PPP1R12A: variants seen among roughly 807,000 people sequenced by gnomAD.
PPP1R12A encodes the protein myosin binding subunit.
Under a neutral mutation model 139.6 loss-of-function variants are expected in PPP1R12A, and 19 were observed. That is an observed-to-expected ratio of 0.14 (90% CI 0.09 to 0.20). The LOEUF (loss-of-function observed/expected upper bound fraction) is 0.20, where lower values mean the gene tolerates loss of function less well. Ranked by LOEUF, PPP1R12A falls within the 10% of genes least tolerant of loss-of-function variation. PPP1R12A has a pLI of 1.00. For synonymous variants in PPP1R12A, 427 were observed against 420.6 expected, an observed-to-expected ratio of 1.02 and a Z score of -0.19; for missense variants, 925 against 1,211.5, an observed-to-expected ratio of 0.76 and a Z score of 3.51.
chr12:79,857,326 G>A (rs889749747), intron 2 of PPP1R12A, among the ~76,000 whole-genome samples: 9 of 150,884 alleles, frequency 6.0e-5, no homozygotes, highest in South Asian at 2.1e-4. Context: ...GTAAACTATC[G>A]CAAGGACAAA....
At chr12:79,935,201 G>A, upstream of PPP1R12A, 2 of 1,314,786 alleles carry the variant, frequency 1.5e-6, no homozygotes, top group Non-Finnish European at 1.9e-6. Flanking sequence ...GTAACTTCGC[G>A]AGATCCGGAC....
At chr12:79,897,565 G>GCAAAA (rs955079125) in intron 1 of PPP1R12A, among the ~76,000 whole-genome samples, 1 of 151,918 alleles carries the variant, frequency 6.6e-6, no homozygotes, top group African/African-American at 2.4e-5. Flanking sequence ...TTACCAAAAA[G>GCAAAA]CAAAACAAAA....
intron 1 of PPP1R12A, among the ~76,000 whole-genome samples, chr12:79,911,328 C>T (rs1886543584): frequency 6.6e-6 from 1 of 152,102 alleles, no homozygotes; most frequent in African/African-American, 2.4e-5. Context: ...GCATTTTATC[C>T]TAAGCGAACT....
At chr12:79,830,504 T>C (rs926903791) in intron 4 of PPP1R12A, among the ~76,000 whole-genome samples, 1 of 152,182 alleles carries the variant, frequency 6.6e-6, no homozygotes, top group Non-Finnish European at 1.5e-5. Flanking sequence ...AAAAAACAAA[T>C]TCCTAGAGGT....
chr12:79,931,805 G>C (rs1418203416), intron 1 of PPP1R12A, among the ~76,000 whole-genome samples: 1 of 152,072 alleles, frequency 6.6e-6, no homozygotes, highest in Non-Finnish European at 1.5e-5. Context: ...TAGAGTGGGT[G>C]GGGGAGAAAG....
intron 1 of PPP1R12A, among the ~76,000 whole-genome samples, chr12:79,920,400 G>A (rs568735517): frequency 2.7e-4 from 41 of 152,260 alleles, no homozygotes; most frequent in Non-Finnish European, 4.9e-4. Flanking sequence ...TGGGTCATAC[G>A]GTAACTCTGT....
intron 1 of PPP1R12A, among the ~76,000 whole-genome samples, chr12:79,908,909 T>C (rs1886334491): frequency 6.6e-6 from 1 of 152,168 alleles, no homozygotes; most frequent in South Asian, 2.1e-4. Flanking sequence ...GAGTAAGACC[T>C]TGGTGTACCC....
At chr12:79,868,544 T>C (rs189759584) in intron 2 of PPP1R12A, among the ~76,000 whole-genome samples, 132 of 152,298 alleles carry the variant, frequency 8.7e-4, no homozygotes, top group Non-Finnish European at 1.5e-3. Context: ...CTTTGGTTTC[T>C]TCATAGGCCT....
At chr12:79,875,216 C>T (rs1882983177) in intron 1 of PPP1R12A, among the ~76,000 whole-genome samples, 1 of 152,022 alleles carries the variant, frequency 6.6e-6, no homozygotes, top group Admixed American at 6.6e-5. Context: ...CTCCATTTAC[C>T]CTGGGGAGGC....
intron 1 of PPP1R12A, among the ~76,000 whole-genome samples, chr12:79,930,522 C>A (rs1185288228): frequency 6.6e-6 from 1 of 152,096 alleles, no homozygotes; most frequent in Non-Finnish European, 1.5e-5. Context: ...CCTGTAATCC[C>A]AGCACTTTGG....
At chr12:79,861,920 G>T (rs1212333651) in intron 2 of PPP1R12A, among the ~76,000 whole-genome samples, 2 of 152,218 alleles carry the variant, frequency 1.3e-5, no homozygotes, top group Admixed American at 1.3e-4. Context: ...AGCTTCTCCA[G>T]ACTTAAACGT....
At chr12:79,832,548 A>C in intron 3 of PPP1R12A, 57 bp from the exon 4 acceptor site, 2 of 1,466,968 alleles carry the variant, frequency 1.4e-6, no homozygotes, top group Non-Finnish European at 1.8e-6. Flanking sequence ...CCATGTTGGG[A>C]AATAAAACTA....
intron 20 of PPP1R12A, among the ~76,000 whole-genome samples, chr12:79,789,248 T>G (rs1217565511): frequency 6.6e-6 from 1 of 152,180 alleles, no homozygotes. Flanking sequence ...TTTTTAATAC[T>G]ACTAATTTCC....
At chr12:79,821,287 T>G (rs781678205) in intron 6 of PPP1R12A, 121 bp from the exon 7 acceptor site, 2 of 647,572 alleles carry the variant, frequency 3.1e-6, no homozygotes, top group Non-Finnish European at 5.1e-6. Context: ...AACAAAGAAA[T>G]AAATAAATTA....
At chr12:79,802,472 C>A (rs1592636989) in intron 14 of PPP1R12A, among the ~76,000 whole-genome samples, 1 of 152,100 alleles carries the variant, frequency 6.6e-6, no homozygotes, top group Non-Finnish European at 1.5e-5. Context: ...TAAATGTGAT[C>A]GTTAATCTGG....
At chr12:79,840,365 G>T (rs1878565871) in intron 3 of PPP1R12A, among the ~76,000 whole-genome samples, 1 of 152,030 alleles carries the variant, frequency 6.6e-6, no homozygotes, top group African/African-American at 2.4e-5. Flanking sequence ...TCGTCTCCAG[G>T]GTCATCTCAT....
chr12:79,788,845 C>T (rs1474995701), intron 20 of PPP1R12A, 62 bp from the exon 21 acceptor site: 1 of 1,372,854 alleles, frequency 7.3e-7, no homozygotes, highest in South Asian at 1.4e-5. Flanking sequence ...TAACAACATA[C>T]ATCCTAGTAC....
intron 2 of PPP1R12A, among the ~76,000 whole-genome samples, chr12:79,857,953 C>T (rs574919358): frequency 1.3e-5 from 2 of 152,220 alleles, no homozygotes; most frequent in South Asian, 4.1e-4. Flanking sequence ...TATATGGGAA[C>T]GTCTACAGCT....
At chr12:79,811,440 C>G (rs745856510) in intron 9 of PPP1R12A, among the ~76,000 whole-genome samples, 25 of 152,226 alleles carry the variant, frequency 1.6e-4, no homozygotes, top group Non-Finnish European at 3.5e-4. Context: ...ATAGACACTG[C>G]ACAAACTGCC....
Sources: gnomAD v4.1 joint callset for allele counts (sites outside exome capture counted in the v4.1 genomes callset) on GRCh38, gnomAD v4.1.1 for gene constraint, MANE v1.5 for transcripts, NCBI Gene and HGNC (gene_info 2026-07-23, HGNC 2026-07-21) for gene names.